Variants in GPHN observed in about 807,000 individuals in gnomAD.
GPHN encodes the protein gephyrin.
In GPHN, 17 loss-of-function variants were observed where a neutral mutation model predicts 95.5. The observed-to-expected ratio is 0.18, with a 90% CI of 0.12 to 0.27. The LOEUF is 0.27. GPHN is among the 10% of genes least tolerant of loss of function. GPHN has a pLI of 1.00. For missense variants in GPHN, 660 were observed against 978.1 expected (o/e 0.67, Z 4.34); for synonymous variants, 320 against 322.5 (o/e 0.99, Z 0.08).
chr14:66,965,325 A>G lies in GPHN; in HGVS notation c.963A>G (p.Lys321=), dbSNP rs749743239. The G allele has an allele frequency of 5.0e-6, 8 of 1,613,382 alleles. No individual in the cohort carries two copies. The highest frequency in any genetic ancestry group is 6.8e-6 in the Non-Finnish European group (8 of 1,179,508). The change falls in exon 9 of 23, where the codon AAA becomes AAG. Residue 321 remains lysine, a splice_region_variant and synonymous_variant. Coordinates refer to ENST00000478722, the MANE Select transcript of GPHN (RefSeq NM_020806.5). ...RLSTASCPTP[K]VQSRCSSKEN... Reference sequence around the variant, plus strand: ...CTACAGCTTCCTGCCCAACACCAAAAGTAAGTATGGTTCCTTCGCATCTTA... The same window carrying G: ...CTACAGCTTCCTGCCCAACACCAAAGGTAAGTATGGTTCCTTCGCATCTTA...
At chr14:67,526,506 T>C in the GPHN span, among the ~76,000 whole-genome samples, 4 of 152,262 alleles carry the variant, frequency 2.6e-5, no homozygotes, top group Non-Finnish European at 4.4e-5. Context: ...ATTCTTTCCA[T>C]CTTTTCCTAG....
At chr14:66,819,989 A>G (rs1449388083) in intron 3 of GPHN, among the ~76,000 whole-genome samples, 1 of 152,140 alleles carries the variant, frequency 6.6e-6, no homozygotes, top group Non-Finnish European at 1.5e-5. Context: ...TTGACTTTGA[A>G]ATAACTGTTT....
At chr14:67,341,186 G>T in the GPHN span, among the ~76,000 whole-genome samples, 1 of 152,146 alleles carries the variant, frequency 6.6e-6, no homozygotes, top group Non-Finnish European at 1.5e-5. Flanking sequence ...TCTGGAAAGT[G>T]AGGAGCGTCT....
chr14:66,514,640 A>G (rs1232894182), intron 1 of GPHN, among the ~76,000 whole-genome samples: 1 of 152,094 alleles, frequency 6.6e-6, no homozygotes, highest in Non-Finnish European at 1.5e-5. Flanking sequence ...TAAAAATGCA[A>G]GAGAATAAGA....
the GPHN span, among the ~76,000 whole-genome samples, chr14:67,605,018 A>G: frequency 2.4e-3 from 371 of 152,346 alleles, 1 homozygote; most frequent in African/African-American, 8.6e-3. Context: ...GTAGCTCTAC[A>G]GTAGGTCTTG....
At chr14:67,365,044 A>G in the GPHN span, 2 of 1,538,962 alleles carry the variant, frequency 1.3e-6, no homozygotes, top group Non-Finnish European at 1.7e-6. Context: ...TAAATTTCAG[A>G]TTTAAAATGG....
the GPHN span, among the ~76,000 whole-genome samples, chr14:67,195,189 TA>T: frequency 6.6e-6 from 1 of 152,232 alleles, no homozygotes; most frequent in South Asian, 2.1e-4. Flanking sequence ...GCAAAGTTGA[TA>T]AAAGAGCCTG....
chr14:67,022,241 C>A (rs993701446), intron 9 of GPHN, among the ~76,000 whole-genome samples: 5 of 152,020 alleles, frequency 3.3e-5, no homozygotes, highest in Admixed American at 2.6e-4. Context: ...GCAGAACATT[C>A]TGCATTTACA....
intron 1 of GPHN, among the ~76,000 whole-genome samples, chr14:66,577,398 G>A (rs1457234161): frequency 2.0e-5 from 3 of 152,094 alleles, no homozygotes; most frequent in Non-Finnish European, 4.4e-5. Context: ...GTTTTTGTGT[G>A]CTTTCTACCA....
chr14:67,110,408 T>C (rs1032762446), intron 14 of GPHN, 149 bp downstream of exon 14: 3 of 733,564 alleles, frequency 4.1e-6, no homozygotes, highest in Non-Finnish European at 7.3e-6. Flanking sequence ...TATATTGTAG[T>C]ATATGAGTCT....
At chr14:66,685,197 C>T (rs2067263549) in intron 2 of GPHN, among the ~76,000 whole-genome samples, 1 of 152,122 alleles carries the variant, frequency 6.6e-6, no homozygotes, top group Admixed American at 6.5e-5. Context: ...GTGAATAGTG[C>T]CGCAATAAAC....
At chr14:67,693,651 CTTT>C in the GPHN span, among the ~76,000 whole-genome samples, 1 of 142,282 alleles carries the variant, frequency 7.0e-6, no homozygotes. Context: ...TTCTCTTTCT[CTTT>C]TTTTTTTTTT....
At chr14:66,980,818 A>T (rs558386590) in intron 9 of GPHN, among the ~76,000 whole-genome samples, 2 of 152,334 alleles carry the variant, frequency 1.3e-5, no homozygotes, top group South Asian at 2.1e-4. Context: ...TGGGAGGCCA[A>T]GGCAGGAGTA....
At chr14:67,692,375 T>C in the GPHN span, 3 of 1,563,500 alleles carry the variant, frequency 1.9e-6, no homozygotes, top group East Asian at 2.3e-5. Flanking sequence ...CCTTTTCCTT[T>C]TAGTTGAATC....
At chr14:66,894,003 G>GA (rs565153395) in intron 5 of GPHN, among the ~76,000 whole-genome samples, 2,716 of 152,170 alleles carry the variant, frequency 0.018, 34 homozygotes, top group Non-Finnish European at 0.027. Context: ...CACAGAATTG[G>GA]AAAAAACTAC....
intron 8 of GPHN, among the ~76,000 whole-genome samples, chr14:66,939,152 C>T (rs1472761267): frequency 6.6e-6 from 1 of 152,146 alleles, no homozygotes. Flanking sequence ...ACCAAAGGCA[C>T]TGGCAACAAC....
the GPHN span, among the ~76,000 whole-genome samples, chr14:67,358,592 A>T: frequency 6.6e-6 from 1 of 152,134 alleles, no homozygotes; most frequent in African/African-American, 2.4e-5. Context: ...CTCAGCCGCC[A>T]GGGAGGCTGA....
chr14:66,617,570 C>T (rs2063103186), intron 1 of GPHN, among the ~76,000 whole-genome samples: 1 of 152,132 alleles, frequency 6.6e-6, no homozygotes, highest in Non-Finnish European at 1.5e-5. Flanking sequence ...ACCTGGATAC[C>T]TTAATTGCTG....
At chr14:67,122,218 CT>C in intron 16 of GPHN, 37 bp from the exon 17 acceptor site, 1 of 1,605,946 alleles carries the variant, frequency 6.2e-7, no homozygotes, top group Non-Finnish European at 8.5e-7. Context: ...CAACATTAAC[CT>C]AATAGAATAA....
Sources: gnomAD v4.1 joint callset for allele counts (sites outside exome capture counted in the v4.1 genomes callset) on GRCh38, gnomAD v4.1.1 for gene constraint, MANE v1.5 for transcripts, NCBI Gene and HGNC (gene_info 2026-07-23, HGNC 2026-07-21) for gene names.